SAMSN1: variants seen among roughly 807,000 people sequenced by gnomAD.
SAMSN1 encodes SAM domain, SH3 domain and nuclear localization signals 1.
SAMSN1 carries 31 observed loss-of-function variants against 42.0 expected under a neutral mutation model. That is an observed-to-expected ratio of 0.74 (90% CI 0.55 to 1.00). The LOEUF is 1.00. Ranked by LOEUF, SAMSN1 falls within the 50% of genes least tolerant of loss-of-function variation. The probability of loss-of-function intolerance (pLI) is 0.00; values close to 1 mark genes in which losing one functional copy is unlikely to be tolerated. For synonymous variants in SAMSN1, 178 were observed against 151.9 expected (o/e 1.17, Z -1.26); for missense variants, 464 against 439.4 (o/e 1.06, Z -0.50).
upstream of SAMSN1, chr21:14,583,446 G>T: frequency 3.9e-6 from 2 of 514,608 alleles, no homozygotes; most frequent in South Asian, 4.6e-5. Context: ...GGTCTTGAAG[G>T]CAAGGAGAAA....
At chr21:14,517,372 A>G (rs1476154181) in intron 2 of SAMSN1, among the ~76,000 whole-genome samples, 1 of 152,236 alleles carries the variant, frequency 6.6e-6, no homozygotes, top group Admixed American at 6.5e-5. Context: ...AAATAATATT[A>G]AACACCAGGT....
chr21:14,622,255 G>C (rs1297468878), intron 2 of SAMSN1, among the ~76,000 whole-genome samples: 1 of 152,246 alleles, frequency 6.6e-6, no homozygotes, highest in East Asian at 1.9e-4. Flanking sequence ...GCCAGCAATG[G>C]AACAAAGCTG....
At chr21:14,545,526 C>T (rs1240694506) in intron 1 of SAMSN1, among the ~76,000 whole-genome samples, 1 of 127,870 alleles carries the variant, frequency 7.8e-6, no homozygotes, top group South Asian at 2.7e-4. Context: ...GAACTTTATC[C>T]CATGTTATAC....
intron 4 of SAMSN1, among the ~76,000 whole-genome samples, chr21:14,510,813 C>T (rs1219711044): frequency 1.3e-5 from 2 of 152,198 alleles, no homozygotes; most frequent in Non-Finnish European, 2.9e-5. Flanking sequence ...CCCCAGAGTT[C>T]CCACTGTGTA....
intron 7 of SAMSN1, among the ~76,000 whole-genome samples, chr21:14,589,593 G>A (rs1317823965): frequency 7.9e-5 from 12 of 151,956 alleles, no homozygotes; most frequent in Middle Eastern, 3.2e-3. Flanking sequence ...ATATTTGCTG[G>A]AAAGGCATTT....
At chr21:14,530,178 G>C (rs1002333361) in intron 1 of SAMSN1, among the ~76,000 whole-genome samples, 1 of 151,974 alleles carries the variant, frequency 6.6e-6, no homozygotes, top group Non-Finnish European at 1.5e-5. Context: ...TTAGCCGGGC[G>C]TGGTGGCGGG....
intron 5 of SAMSN1, among the ~76,000 whole-genome samples, chr21:14,603,971 C>T (rs574283498): frequency 1.2e-4 from 18 of 152,136 alleles, no homozygotes; most frequent in African/African-American, 2.6e-4. Context: ...ATTTTTAAAA[C>T]GCCATATGGC....
chr21:14,496,470 T>C (rs1411870886), intron 7 of SAMSN1: 2 of 152,232 alleles, frequency 1.3e-5, no homozygotes, highest in African/African-American at 4.8e-5. Context: ...CTGTACTTCA[T>C]GGTCAAATCA....
At chr21:14,584,032 G>A (rs557774296), upstream of SAMSN1, among the ~76,000 whole-genome samples, 38 of 149,692 alleles carry the variant, frequency 2.5e-4, no homozygotes, top group African/African-American at 9.0e-4. Flanking sequence ...ACAGCAAAAT[G>A]GATTGAATTC....
intron 2 of SAMSN1, among the ~76,000 whole-genome samples, chr21:14,573,760 C>A (rs1189792571): frequency 6.6e-6 from 1 of 152,140 alleles, no homozygotes; most frequent in Non-Finnish European, 1.5e-5. Flanking sequence ...ACATTCTCCT[C>A]CATTCCAAAG....
At chr21:14,627,746 A>G (rs1983221625) in intron 2 of SAMSN1, among the ~76,000 whole-genome samples, 2 of 152,342 alleles carry the variant, frequency 1.3e-5, no homozygotes, top group African/African-American at 4.8e-5. Context: ...ATGAGGATAC[A>G]CTAACATCAA....
intron 2 of SAMSN1, among the ~76,000 whole-genome samples, chr21:14,573,650 C>T (rs374409750): frequency 1.3e-5 from 2 of 152,114 alleles, no homozygotes; most frequent in African/African-American, 4.8e-5. Flanking sequence ...TAGAAAGAAA[C>T]CTTTATATAC....
intron 2 of SAMSN1, among the ~76,000 whole-genome samples, chr21:14,552,078 A>G (rs929101184): frequency 6.6e-6 from 1 of 152,098 alleles, no homozygotes; most frequent in African/African-American, 2.4e-5. Flanking sequence ...AAAATTTGAA[A>G]CCAGTAAATC....
At chr21:14,592,725 C>A (rs1380796855) in intron 7 of SAMSN1, 2 of 236,426 alleles carry the variant, frequency 8.5e-6, no homozygotes, top group Admixed American at 5.1e-5. Context: ...TCTACTCCAA[C>A]ATTTTACTTC....
chr21:14,571,736 G>C (rs77124928), intron 2 of SAMSN1, among the ~76,000 whole-genome samples: 1 of 152,012 alleles, frequency 6.6e-6, no homozygotes, highest in African/African-American at 2.4e-5. Flanking sequence ...GTCACAATTC[G>C]GGAGGTCAGA....
chr21:14,658,909 G>T, upstream of SAMSN1: 1 of 635,024 alleles, frequency 1.6e-6, no homozygotes, highest in Non-Finnish European at 2.9e-6. Context: ...TAATCCAGGG[G>T]ATTCAGAGAC....
At chr21:14,652,815 A>C (rs1415326335) in intron 1 of SAMSN1, among the ~76,000 whole-genome samples, 1 of 152,048 alleles carries the variant, frequency 6.6e-6, no homozygotes, top group Non-Finnish European at 1.5e-5. Context: ...CAGAACACAC[A>C]TGGAACTCAA....
At chr21:14,545,137 C>T (rs1980304248) in intron 1 of SAMSN1, among the ~76,000 whole-genome samples, 1 of 152,058 alleles carries the variant, frequency 6.6e-6, no homozygotes, top group Admixed American at 6.6e-5. Flanking sequence ...AATTAATATT[C>T]AAAATCATTT....
At chr21:14,558,150 G>T (rs950581874) in intron 2 of SAMSN1, among the ~76,000 whole-genome samples, 6 of 152,170 alleles carry the variant, frequency 3.9e-5, no homozygotes, top group Non-Finnish European at 8.8e-5. Context: ...CATAGAACCT[G>T]GCAGACAGGG....
Sources: gnomAD v4.1 joint callset for allele counts (sites outside exome capture counted in the v4.1 genomes callset) on GRCh38, gnomAD v4.1.1 for gene constraint, MANE v1.5 for transcripts, NCBI Gene and HGNC (gene_info 2026-07-23, HGNC 2026-07-21) for gene names.